PRKCE: variants seen among roughly 807,000 people sequenced by gnomAD.
The protein encoded by PRKCE is protein kinase C epsilon type.
A neutral mutation model predicts 85.4 loss-of-function variants in PRKCE; 16 were observed. That is an observed-to-expected ratio of 0.19 (90% CI 0.13 to 0.28). The LOEUF (loss-of-function observed/expected upper bound fraction) is 0.28. Among genes scored for constraint, PRKCE ranks in the 10% least tolerant of loss-of-function variants. The pLI is 1.00. For missense variants in PRKCE, 573 were observed against 975.2 expected, an observed-to-expected ratio of 0.59 and a Z score of 5.49; for synonymous variants, 388 against 371.5, an observed-to-expected ratio of 1.04 and a Z score of -0.51.
At chr2:45,884,821 C>A (rs1235543321) in intron 2 of PRKCE, among the ~76,000 whole-genome samples, 1 of 151,626 alleles carries the variant, frequency 6.6e-6, no homozygotes, top group Non-Finnish European at 1.5e-5. Flanking sequence ...TTTCTCCAAC[C>A]AGTTCTATTC....
Position 46,004,666 on chromosome 2 carries a change from C to G in PRKCE, c.1063+28C>G. ...GAGACCCTCAGATTTGCTTCCTGACCTCTGAGTTCTGCCATTGGATGGACC... is the reference window on the plus strand; with the variant it reads ...GAGACCCTCAGATTTGCTTCCTGACGTCTGAGTTCTGCCATTGGATGGACC... On this transcript the variant is annotated intron_variant, in intron 8 of 14. Coordinates refer to ENST00000306156, the MANE Select transcript of PRKCE (RefSeq NM_005400.3). This position sits in a 1 kb window ranked among gnomAD's most constrained non-coding sequence, Gnocchi z 4.1. 1 of 1,527,816 alleles carries G rather than the reference C, an allele frequency of 6.5e-7. No individual in the cohort carries two copies. The highest frequency in any genetic ancestry group is 8.8e-7 in the Non-Finnish European group (1 of 1,133,152). 94.6% of individuals were successfully genotyped at this position (1,527,816 alleles called of 1,614,324 possible).
In PRKCE at chr2:46,023,008, G is replaced by A. The variant is rs192263604; in HGVS notation, c.1437+12491G>A. On this transcript the variant is annotated intron_variant, in intron 10 of 14. Coordinates refer to ENST00000306156, the MANE Select transcript of PRKCE (RefSeq NM_005400.3). The stretch of plus-strand genomic sequence containing the variant: ...TGAGGCAGGAGAATGGCGTGAACCC[G>A]GGAAGCGGAGCTTGCAGTGAGCCGA... Among the ~76,000 whole-genome samples, 131 of 149,844 alleles carry A rather than the reference G, an allele frequency of 8.7e-4. 2 individuals carry two copies. Among genetic ancestry groups the A allele is most frequent in the Admixed American group, 7.9e-3 (118 of 15,022 alleles).
chr2:45,722,215 CTT>C (rs1013878405), intron 1 of PRKCE, among the ~76,000 whole-genome samples: 10 of 152,034 alleles, frequency 6.6e-5, no homozygotes, highest in Non-Finnish European at 1.5e-4. Flanking sequence ...TTGCAAATCT[CTT>C]TTTAATTTTT....
At chr2:46,061,010 C>T (rs553947899) in intron 10 of PRKCE, among the ~76,000 whole-genome samples, 2 of 152,062 alleles carry the variant, frequency 1.3e-5, no homozygotes, top group African/African-American at 4.8e-5. Context: ...GATTCGCCCA[C>T]CTCCACCTCC....
chr2:45,662,516 A>C (rs1054419029), intron 1 of PRKCE, among the ~76,000 whole-genome samples: 3 of 152,106 alleles, frequency 2.0e-5, no homozygotes, highest in Non-Finnish European at 4.4e-5. Flanking sequence ...TGAAATCAGG[A>C]GTTAGGATAG....
chr2:46,015,704 A>C (rs1302949656), intron 10 of PRKCE, among the ~76,000 whole-genome samples: 1 of 151,820 alleles, frequency 6.6e-6, no homozygotes, highest in Non-Finnish European at 1.5e-5. Flanking sequence ...AAAAAAAAAA[A>C]AAAAAAAAAC....
chr2:45,987,733 T>G (rs1703452889), intron 6 of PRKCE, among the ~76,000 whole-genome samples: 1 of 152,224 alleles, frequency 6.6e-6, no homozygotes, highest in Non-Finnish European at 1.5e-5. Flanking sequence ...TTTGGACAAA[T>G]GGACAGTGCT....
At chr2:45,671,864 C>G (rs1472755414) in intron 1 of PRKCE, among the ~76,000 whole-genome samples, 1 of 151,970 alleles carries the variant, frequency 6.6e-6, no homozygotes, top group Non-Finnish European at 1.5e-5. Context: ...AGGTCAAGAC[C>G]AGCCTGGCCA....
At chr2:45,667,848 T>C (rs1026451791) in intron 1 of PRKCE, among the ~76,000 whole-genome samples, 5 of 151,506 alleles carry the variant, frequency 3.3e-5, no homozygotes, top group Non-Finnish European at 7.4e-5. Context: ...TGGAACCAAG[T>C]GGCACTGTGG....
rs1329232842 is a variant in PRKCE at position 46,187,893 on chromosome 2, T to C, written c.*3012T>C. Reference sequence around the variant, plus strand: ...AATCTCTTGCCATTCATTAGTGTTATTTCATTGTAAACGTTATTGTGCCAA... The same window carrying C: ...AATCTCTTGCCATTCATTAGTGTTACTTCATTGTAAACGTTATTGTGCCAA... On this transcript the variant is annotated 3_prime_UTR_variant, in exon 15 of 15. Transcript: ENST00000306156. The C allele has an allele frequency of 6.6e-6, 1 of 152,602 alleles. No individual in the cohort carries two copies. Among genetic ancestry groups the C allele is most frequent in the African/African-American group, 2.4e-5 (1 of 41,446 alleles). 9.5% of individuals were successfully genotyped at this position (152,602 alleles called of 1,614,324 possible).
intron 6 of PRKCE, among the ~76,000 whole-genome samples, chr2:45,994,975 T>C (rs1704102626): frequency 6.6e-6 from 1 of 152,186 alleles, no homozygotes; most frequent in African/African-American, 2.4e-5. Context: ...TCCTTGTATT[T>C]TGGCCATTTT....
chr2:45,917,767 G>C (rs1558831481), intron 2 of PRKCE, among the ~76,000 whole-genome samples: 1 of 152,330 alleles, frequency 6.6e-6, no homozygotes, highest in South Asian at 2.1e-4. Context: ...GCTCACGGTC[G>C]GGGGTGGGAG....
chr2:45,795,773 C>T (rs1348405711), intron 1 of PRKCE, among the ~76,000 whole-genome samples: 1 of 152,144 alleles, frequency 6.6e-6, no homozygotes, highest in Non-Finnish European at 1.5e-5. Flanking sequence ...TTCTTTGCCC[C>T]TTCTCATGTC....
At chr2:45,677,449 C>T (rs1036782590) in intron 1 of PRKCE, among the ~76,000 whole-genome samples, 2 of 150,890 alleles carry the variant, frequency 1.3e-5, no homozygotes, top group Admixed American at 6.6e-5. Flanking sequence ...CTCCGCTTCC[C>T]GGGTTCCCGC....
At chr2:45,733,185 C>A (rs181422387) in intron 1 of PRKCE, among the ~76,000 whole-genome samples, 2 of 152,344 alleles carry the variant, frequency 1.3e-5, no homozygotes, top group South Asian at 4.1e-4. Flanking sequence ...ATCAGACTGA[C>A]TGCATGTGAG....
chr2:45,819,331 C>G (rs771705452), intron 1 of PRKCE, among the ~76,000 whole-genome samples: 1 of 152,212 alleles, frequency 6.6e-6, no homozygotes, highest in Non-Finnish European at 1.5e-5. Flanking sequence ...CTCCCAATCC[C>G]ATGTGGTACC....
intron 1 of PRKCE, among the ~76,000 whole-genome samples, chr2:45,810,614 C>T (rs985598690): frequency 6.6e-6 from 1 of 151,974 alleles, no homozygotes; most frequent in African/African-American, 2.4e-5. Flanking sequence ...GACAGGGTCT[C>T]ACCCTGTTGC....
chr2:45,958,816 A>ATATATATATATT (rs1701181096), intron 2 of PRKCE, among the ~76,000 whole-genome samples: 1 of 18,150 alleles, frequency 5.5e-5, no homozygotes, highest in Non-Finnish European at 9.4e-5. Flanking sequence ...ATATATATAT[A>ATATATATATATT]TTTTTTTTTT....
At chr2:45,880,417 G>A (rs1286372367) in intron 2 of PRKCE, among the ~76,000 whole-genome samples, 1 of 152,108 alleles carries the variant, frequency 6.6e-6, no homozygotes, top group East Asian at 1.9e-4. Context: ...TTATACGGTA[G>A]CTCTATTTGT....
Sources: allele counts gnomAD v4.1 joint callset (sites outside exome capture counted in the v4.1 genomes callset), GRCh38; gene constraint gnomAD v4.1.1; non-coding constraint Gnocchi (gnomAD v3.1); transcripts MANE v1.5; gene names NCBI Gene and HGNC (gene_info 2026-07-23, HGNC 2026-07-21).